The following MEGF11 variants were observed in gnomAD, a reference collection of about 807,000 sequenced individuals.
MEGF11 encodes multiple epidermal growth factor-like domains protein 11.
In MEGF11, 126 loss-of-function variants were observed where a neutral mutation model predicts 146.6. The ratio of observed to expected loss-of-function variants is 0.86; its 90% CI spans 0.74 to 1.00. The LOEUF is 1.00. Among genes scored for constraint, MEGF11 ranks in the 50% least tolerant of loss-of-function variants. MEGF11 has a pLI of 0.00. For missense variants in MEGF11, 1,509 were observed against 1,521.2 expected, an observed-to-expected ratio of 0.99 and a Z score of 0.13; for synonymous variants, 532 against 583.4, an observed-to-expected ratio of 0.91 and a Z score of 1.27.
chr15:66,245,478 A>AC (rs2092282574), intron 1 of MEGF11, among the ~76,000 whole-genome samples: 1 of 150,918 alleles, frequency 6.6e-6, no homozygotes, highest in African/African-American at 2.4e-5. Flanking sequence ...AAAGAAAAAA[A>AC]AAAATTAGCC....
intron 4 of MEGF11, among the ~76,000 whole-genome samples, chr15:66,111,791 G>C (rs373918375): frequency 6.6e-6 from 1 of 152,158 alleles, no homozygotes; most frequent in Non-Finnish European, 1.5e-5. Flanking sequence ...CTCCTTTAGG[G>C]GTGATTAGAT....
At chr15:66,034,619 C>T (rs929352038) in intron 5 of MEGF11, among the ~76,000 whole-genome samples, 2 of 152,070 alleles carry the variant, frequency 1.3e-5, no homozygotes, top group Non-Finnish European at 2.9e-5. Context: ...GGGGTCTTAC[C>T]ATGTTGCCCA....
chr15:65,966,561 G>T (rs1250628739), intron 8 of MEGF11, among the ~76,000 whole-genome samples: 1 of 152,132 alleles, frequency 6.6e-6, no homozygotes, highest in Non-Finnish European at 1.5e-5. Flanking sequence ...AGTAGAGGAA[G>T]CGTCTTCCTG....
At chr15:65,922,524 C>T (rs2141257539) in intron 14 of MEGF11, 52 bp from the exon 15 acceptor site, 2 of 1,493,022 alleles carry the variant, frequency 1.3e-6, no homozygotes, top group Admixed American at 2.4e-5. Context: ...CCCAGCCAGC[C>T]TAGCTACCCT....
intron 1 of MEGF11, among the ~76,000 whole-genome samples, chr15:66,196,643 T>C (rs1223381923): frequency 6.6e-6 from 1 of 152,226 alleles, no homozygotes. Flanking sequence ...AGAACGGCTC[T>C]TTTGTGACTT....
At chr15:66,035,913 C>T (rs1032945492) in intron 5 of MEGF11, among the ~76,000 whole-genome samples, 1 of 152,220 alleles carries the variant, frequency 6.6e-6, no homozygotes, top group East Asian at 1.9e-4. Context: ...GAATCTGTGG[C>T]TGATGGCTTG....
At chr15:65,968,446 A>G (rs1313299861) in intron 8 of MEGF11, among the ~76,000 whole-genome samples, 1 of 152,196 alleles carries the variant, frequency 6.6e-6, no homozygotes, top group Non-Finnish European at 1.5e-5. Context: ...CCTGAACCCT[A>G]AACTCCTCTG....
intron 5 of MEGF11, among the ~76,000 whole-genome samples, chr15:66,033,254 A>T (rs1597011739): frequency 6.6e-6 from 1 of 152,208 alleles, no homozygotes; most frequent in East Asian, 1.9e-4. Context: ...ATAGGGAGAA[A>T]GACCCTGAAG....
chr15:66,195,973 C>T (rs4238404), intron 1 of MEGF11, among the ~76,000 whole-genome samples: 60,785 of 151,950 alleles, frequency 0.4, 12,623 homozygotes, highest in East Asian at 0.61. Context: ...AACTGCAGGA[C>T]GAGTAGGAGT....
intron 5 of MEGF11, among the ~76,000 whole-genome samples, chr15:66,037,697 G>A (rs1164807569): frequency 6.6e-6 from 1 of 152,230 alleles, no homozygotes; most frequent in Non-Finnish European, 1.5e-5. Flanking sequence ...CACCATCCTG[G>A]CAGCCCTCGG....
intron 9 of MEGF11, among the ~76,000 whole-genome samples, chr15:65,963,351 A>T (rs1411667175): frequency 6.6e-6 from 1 of 151,742 alleles, no homozygotes; most frequent in Non-Finnish European, 1.5e-5. Context: ...GACCAGCATC[A>T]CATAGTCCTG....
chr15:66,104,714 G>A (rs753202173), intron 4 of MEGF11, among the ~76,000 whole-genome samples: 6 of 152,196 alleles, frequency 3.9e-5, no homozygotes, highest in African/African-American at 1.4e-4. Context: ...ACCCAAGGGA[G>A]GTGGAATCCT....
chr15:66,113,684 G>A (rs1281478590), intron 4 of MEGF11, among the ~76,000 whole-genome samples: 1 of 152,214 alleles, frequency 6.6e-6, no homozygotes, highest in East Asian at 1.9e-4. Flanking sequence ...ACGAGGTCAG[G>A]AGATCGAGAC....
chr15:65,912,027 T>A (rs1268665399), intron 21 of MEGF11, 55 bp downstream of exon 21: 1 of 1,017,726 alleles, frequency 9.8e-7, no homozygotes, highest in Non-Finnish European at 1.3e-6. Context: ...TGGGCAGAGG[T>A]GAGGGTTAAA....
chr15:65,915,255 C>G (rs555498452), intron 19 of MEGF11, among the ~76,000 whole-genome samples: 1 of 152,294 alleles, frequency 6.6e-6, no homozygotes, highest in African/African-American at 2.4e-5. Context: ...GGGAAACTTG[C>G]CAAGGGTGAG....
At chr15:66,035,474 G>A (rs1392954409) in intron 5 of MEGF11, among the ~76,000 whole-genome samples, 3 of 152,184 alleles carry the variant, frequency 2.0e-5, no homozygotes, top group African/African-American at 4.8e-5. Flanking sequence ...TGCTCATGAG[G>A]TCCCTGGCCT....
intron 5 of MEGF11, among the ~76,000 whole-genome samples, chr15:65,985,953 A>ATTTTTT (rs60520972): frequency 7.1e-6 from 1 of 140,326 alleles, no homozygotes. Context: ...TTGTGTCTGC[A>ATTTTTT]TTTTTTTTTT....
At chr15:65,984,578 A>C (rs559654528) in intron 5 of MEGF11, among the ~76,000 whole-genome samples, 1 of 147,426 alleles carries the variant, frequency 6.8e-6, no homozygotes, top group East Asian at 2.0e-4. Flanking sequence ...GTGACTGAGT[A>C]TCCAGCAGTC....
chr15:66,161,938 T>C (rs1206477831), intron 1 of MEGF11, among the ~76,000 whole-genome samples: 1 of 152,208 alleles, frequency 6.6e-6, no homozygotes, highest in Non-Finnish European at 1.5e-5. Context: ...CACAAATACA[T>C]GTGTGCATAT....
Sources: allele counts gnomAD v4.1 joint callset (sites outside exome capture counted in the v4.1 genomes callset), GRCh38; gene constraint gnomAD v4.1.1; transcripts MANE v1.5; gene names NCBI Gene and HGNC (gene_info 2026-07-23, HGNC 2026-07-21).